The following CNTNAP2 variants were observed in gnomAD, a reference collection of about 807,000 sequenced individuals.
CNTNAP2 encodes the protein contactin associated protein 2, also known as contactin-associated protein-like 2.
A neutral mutation model predicts 155.2 loss-of-function variants in CNTNAP2; 98 were observed. That is an observed-to-expected ratio of 0.63 (90% CI 0.54 to 0.75). CNTNAP2 has a LOEUF of 0.75. Ranked by LOEUF, CNTNAP2 falls within the 30% of genes least tolerant of loss-of-function variation. The probability of loss-of-function intolerance (pLI) is 0.00; values close to 1 mark genes in which losing one functional copy is unlikely to be tolerated. For synonymous variants in CNTNAP2, 651 were observed against 631.2 expected (o/e 1.03, Z -0.47); for missense variants, 1,727 against 1,688.1 (o/e 1.02, Z -0.40).
At chr7:147,316,623 T>C (rs10261547) in intron 9 of CNTNAP2, among the ~76,000 whole-genome samples, 71,608 of 151,922 alleles carry the variant, frequency 0.47, 17,637 homozygotes, top group East Asian at 0.73. Flanking sequence ...TATAGTAAAA[T>C]TTAGTTACAC....
Position 147,058,795 on chromosome 7 carries a change from C to T in CNTNAP2, c.550+14741C>T, listed in dbSNP as rs529842316. ...CTAATTTTTGTATTTTTAGTAGAGA[C>T]GGGGTTTCACCATGTTGGACAGGCT... On this transcript the variant is annotated intron_variant, in intron 4 of 23. Transcript: ENST00000361727. Among the ~76,000 whole-genome samples the T allele has an allele frequency of 3.3e-5, 5 of 152,152 alleles. No individual in the cohort carries two copies. The South Asian group carries it at 6.2e-4, about 19-fold the overall frequency.
intron 1 of CNTNAP2, among the ~76,000 whole-genome samples, chr7:146,398,794 A>T (rs1193824617): frequency 1.3e-5 from 2 of 152,058 alleles, no homozygotes; most frequent in East Asian, 3.9e-4. Flanking sequence ...TTGGCCTGTA[A>T]AAGTTTAAGG....
At chr7:146,463,587 C>T (rs1027780409) in intron 1 of CNTNAP2, among the ~76,000 whole-genome samples, 2 of 151,642 alleles carry the variant, frequency 1.3e-5, no homozygotes, top group African/African-American at 2.4e-5. Context: ...TATATACATA[C>T]GTGCACATGC....
chr7:146,243,376 A>G (rs987946802), intron 1 of CNTNAP2, among the ~76,000 whole-genome samples: 4 of 152,006 alleles, frequency 2.6e-5, no homozygotes, highest in African/African-American at 9.7e-5. Context: ...TGGTCTGTCT[A>G]TTCGTAGGTT....
chr7:146,673,095 A>G (rs955726774), intron 1 of CNTNAP2, among the ~76,000 whole-genome samples: 2 of 151,982 alleles, frequency 1.3e-5, no homozygotes, highest in Non-Finnish European at 2.9e-5. Context: ...TTCTTGTTAC[A>G]TTAGTTCAGA....
intron 1 of CNTNAP2, among the ~76,000 whole-genome samples, chr7:146,705,412 G>T (rs975788338): frequency 1.3e-5 from 2 of 151,978 alleles, no homozygotes; most frequent in Non-Finnish European, 2.9e-5. Flanking sequence ...GGTGGGGAGG[G>T]CAAGACAGCT....
At chr7:146,377,884 A>G (rs756177061) in intron 1 of CNTNAP2, among the ~76,000 whole-genome samples, 3 of 152,250 alleles carry the variant, frequency 2.0e-5, no homozygotes, top group Non-Finnish European at 4.4e-5. Flanking sequence ...CTGATTCAAT[A>G]GGCCCAACGT....
At chr7:146,504,620 C>T (rs140693065) in intron 1 of CNTNAP2, among the ~76,000 whole-genome samples, 295 of 152,268 alleles carry the variant, frequency 1.9e-3, no homozygotes, top group African/African-American at 6.7e-3. Context: ...TCTACAGTTA[C>T]GACACCTGCT....
intron 4 of CNTNAP2, among the ~76,000 whole-genome samples, chr7:147,099,970 A>T (rs1338268301): frequency 1.3e-5 from 2 of 152,236 alleles, no homozygotes; most frequent in African/African-American, 4.8e-5. Context: ...CAAATAGATT[A>T]TATGCTAATT....
intron 13 of CNTNAP2, among the ~76,000 whole-genome samples, chr7:147,899,018 A>T (rs1785788288): frequency 2.0e-5 from 3 of 152,322 alleles, no homozygotes; most frequent in South Asian, 4.1e-4. Context: ...CAAATATTAT[A>T]TGACTCTGCT....
At chr7:146,648,591 A>C (rs537718281) in intron 1 of CNTNAP2, among the ~76,000 whole-genome samples, 1 of 152,252 alleles carries the variant, frequency 6.6e-6, no homozygotes, top group South Asian at 2.1e-4. Flanking sequence ...ATTTATGTTA[A>C]AACTTCTCTG....
intron 13 of CNTNAP2, among the ~76,000 whole-genome samples, chr7:147,737,886 G>C (rs1179925170): frequency 1.3e-5 from 2 of 152,182 alleles, no homozygotes; most frequent in Non-Finnish European, 2.9e-5. Context: ...TATTAGGGTG[G>C]GAGTGACCCG....
intron 1 of CNTNAP2, among the ~76,000 whole-genome samples, chr7:146,317,949 G>A (rs1314493034): frequency 6.6e-6 from 1 of 152,130 alleles, no homozygotes; most frequent in Non-Finnish European, 1.5e-5. Context: ...AGACAATCCT[G>A]GCTAACACGG....
intron 1 of CNTNAP2, among the ~76,000 whole-genome samples, chr7:146,279,006 C>T (rs183281544): frequency 1.1e-3 from 161 of 152,108 alleles, no homozygotes; most frequent in African/African-American, 3.4e-3. Flanking sequence ...CTCTTTTCTT[C>T]GAAGGTTCTT....
At chr7:147,434,621 A>AC (rs1206658866) in intron 10 of CNTNAP2, among the ~76,000 whole-genome samples, 1 of 152,234 alleles carries the variant, frequency 6.6e-6, no homozygotes, top group Admixed American at 6.5e-5. Context: ...TCTGCATATA[A>AC]TTGATTTGCC....
intron 1 of CNTNAP2, among the ~76,000 whole-genome samples, chr7:146,579,512 A>G (rs1212056049): frequency 1.3e-5 from 2 of 152,006 alleles, no homozygotes; most frequent in African/African-American, 4.8e-5. Context: ...AGTGTTTGCA[A>G]CCCTCCAGAA....
rs1799980442 is a variant in CNTNAP2 at position 148,416,011 on chromosome 7, C to G, written c.*395C>G. On this transcript the variant is annotated 3_prime_UTR_variant, in exon 24 of 24. Transcript: ENST00000361727. The stretch of plus-strand genomic sequence containing the variant: ...TGGGTATTTTTTTTCTTGAGAAAAG[C>G]TAATGCACCTACAGATGGCCCCCAA... 4.5e-6 allele frequency: 1 copy of G among 223,778 alleles called. No homozygotes were observed. The highest frequency in any genetic ancestry group is 8.8e-5 in the South Asian group (1 of 11,410). The allele number at this position is 223,778 out of a possible 1,614,324, so 13.9% of individuals were successfully genotyped here. A position where few individuals can be genotyped will look rare whatever the true frequency, so the allele number is the denominator to read the frequency against.
intron 1 of CNTNAP2, among the ~76,000 whole-genome samples, chr7:146,338,688 T>C (rs1801321568): frequency 6.6e-6 from 1 of 152,158 alleles, no homozygotes; most frequent in African/African-American, 2.4e-5. Flanking sequence ...ATGAAAATAA[T>C]TACCCCATGT....
At chr7:147,202,357 G>A (rs932953794) in intron 8 of CNTNAP2, among the ~76,000 whole-genome samples, 2 of 151,810 alleles carry the variant, frequency 1.3e-5, no homozygotes, top group Non-Finnish European at 2.9e-5. Flanking sequence ...AAAATAAATG[G>A]TAAAAAGTAT....
Sources: allele counts gnomAD v4.1 joint callset (sites outside exome capture counted in the v4.1 genomes callset), GRCh38; gene constraint gnomAD v4.1.1; transcripts MANE v1.5; gene names NCBI Gene and HGNC (gene_info 2026-07-23, HGNC 2026-07-21).